The following GPR39 variants were observed in gnomAD, a reference collection of about 807,000 sequenced individuals.
GPR39 encodes the protein zinc sensing receptor.
Under a neutral mutation model 18.4 loss-of-function variants are expected in GPR39, and 23 were observed. The ratio of observed to expected loss-of-function variants is 1.25; its 90% CI spans 0.90 to 1.77. The LOEUF (loss-of-function observed/expected upper bound fraction) is 1.77, where lower values mean the gene tolerates loss of function less well. GPR39 is among the 40% of genes most tolerant of loss of function. The pLI, the probability that GPR39 is intolerant of heterozygous loss-of-function variation, is 0.00. For synonymous variants in GPR39, 280 were observed against 257.9 expected (o/e 1.09, Z -0.82); for missense variants, 647 against 602.4 (o/e 1.07, Z -0.78).
At chr2:132,565,128 TATTGATGCCATA>T (rs1235926845) in intron 1 of GPR39, among the ~76,000 whole-genome samples, 1 of 152,232 alleles carries the variant, frequency 6.6e-6, no homozygotes, top group African/African-American at 2.4e-5. Context: ...CTTTAATAAC[TATTGATGCCATA>T]ATTGACCCAC....
At chr2:132,503,347 G>A (rs1679081282) in intron 1 of GPR39, among the ~76,000 whole-genome samples, 1 of 152,128 alleles carries the variant, frequency 6.6e-6, no homozygotes, top group South Asian at 2.1e-4. Context: ...GCTCTTCTGG[G>A]TCTAGCCACC....
At chr2:132,556,000 G>A (rs1374903926) in intron 1 of GPR39, among the ~76,000 whole-genome samples, 3 of 151,984 alleles carry the variant, frequency 2.0e-5, no homozygotes, top group Non-Finnish European at 4.4e-5. Flanking sequence ...CAGATCTAGG[G>A]TGAAATGGGA....
At chr2:132,489,612 G>A (rs932518003) in intron 1 of GPR39, among the ~76,000 whole-genome samples, 5 of 151,982 alleles carry the variant, frequency 3.3e-5, no homozygotes, top group African/African-American at 1.2e-4. Context: ...GGGTATGCAT[G>A]GCTGGGGTGG....
At chr2:132,592,608 A>G (rs1312960765) in intron 1 of GPR39, among the ~76,000 whole-genome samples, 1 of 152,182 alleles carries the variant, frequency 6.6e-6, no homozygotes, top group Non-Finnish European at 1.5e-5. Flanking sequence ...AGCCTTTGAA[A>G]GGATCACTCT....
intron 1 of GPR39, among the ~76,000 whole-genome samples, chr2:132,627,488 T>G (rs1026391877): frequency 1.3e-5 from 2 of 152,224 alleles, no homozygotes; most frequent in Non-Finnish European, 2.9e-5. Context: ...AATGTCAATA[T>G]GCCGAGTAAT....
At chr2:132,468,477 G>A (rs1190785662) in intron 1 of GPR39, among the ~76,000 whole-genome samples, 1 of 152,184 alleles carries the variant, frequency 6.6e-6, no homozygotes, top group Non-Finnish European at 1.5e-5. Flanking sequence ...ATTGTGGACA[G>A]GCACACAGAG....
intron 1 of GPR39, among the ~76,000 whole-genome samples, chr2:132,484,240 C>T (rs2104791143): frequency 6.6e-6 from 1 of 152,328 alleles, no homozygotes; most frequent in East Asian, 1.9e-4. Context: ...AAGATGTTAA[C>T]ATATCCCTGG....
intron 1 of GPR39, among the ~76,000 whole-genome samples, chr2:132,611,991 CAT>C (rs907045637): frequency 6.6e-6 from 1 of 152,152 alleles, no homozygotes; most frequent in Non-Finnish European, 1.5e-5. Flanking sequence ...GCCAAGCAAA[CAT>C]GTGAGTTCAG....
intron 1 of GPR39, among the ~76,000 whole-genome samples, chr2:132,515,642 A>G (rs1285483148): frequency 1.3e-5 from 2 of 152,190 alleles, no homozygotes; most frequent in Admixed American, 1.3e-4. Context: ...AGTGGGTCAT[A>G]GAGACTAGAA....
intron 1 of GPR39, among the ~76,000 whole-genome samples, chr2:132,538,422 G>A (rs527556288): frequency 6.6e-6 from 1 of 152,326 alleles, no homozygotes; most frequent in Admixed American, 6.5e-5. Context: ...TCCTGTGGAA[G>A]CTTCGTCCCA....
At chr2:132,594,791 C>T (rs892902749) in intron 1 of GPR39, among the ~76,000 whole-genome samples, 2 of 151,882 alleles carry the variant, frequency 1.3e-5, no homozygotes, top group Non-Finnish European at 2.9e-5. Flanking sequence ...CCACCATTTA[C>T]TAACTCTCTT....
chr2:132,643,466 C>G (rs1364673116), intron 1 of GPR39, among the ~76,000 whole-genome samples: 3 of 152,170 alleles, frequency 2.0e-5, no homozygotes, highest in Non-Finnish European at 1.5e-5. Flanking sequence ...CCAGTGCATA[C>G]AGGAGGCTCA....
intron 1 of GPR39, among the ~76,000 whole-genome samples, chr2:132,496,778 C>T (rs542491641): frequency 7.9e-4 from 120 of 152,302 alleles, no homozygotes; most frequent in African/African-American, 2.7e-3. Flanking sequence ...CTCCTGGAAT[C>T]GCAGCAATAT....
At chr2:132,513,391 A>G (rs928837033) in intron 1 of GPR39, among the ~76,000 whole-genome samples, 3 of 151,716 alleles carry the variant, frequency 2.0e-5, no homozygotes, top group Non-Finnish European at 2.9e-5. Context: ...TGAACCTGGG[A>G]GGCGGAGTTT....
Position 132,583,970 on chromosome 2 carries a change from C to A in GPR39, c.857-61131C>A, listed in dbSNP as rs3115006. On this transcript the variant is annotated intron_variant, in intron 1 of 1. Transcript: ENST00000329321. ...ACAGGTAGCTTCTGCTGCTTTCTAA[C>A]GACTTCAGAGGAGCCCTTGAGAGAA... Among the ~76,000 whole-genome samples, 4 of 151,910 alleles carry A rather than the reference C, an allele frequency of 2.6e-5. 1 individual carries two copies. In the South Asian group the frequency reaches 8.3e-4, roughly 32 times the overall value.
chr2:132,560,109 C>T (rs1369505613), intron 1 of GPR39, among the ~76,000 whole-genome samples: 2 of 152,134 alleles, frequency 1.3e-5, no homozygotes, highest in Admixed American at 6.5e-5. Context: ...GCCAGCTTAG[C>T]TCTCTTTCCC....
intron 1 of GPR39, among the ~76,000 whole-genome samples, chr2:132,541,655 G>A (rs1012516970): frequency 1.3e-5 from 2 of 152,174 alleles, no homozygotes; most frequent in Non-Finnish European, 2.9e-5. Flanking sequence ...ATGATTTGTG[G>A]TGGGGTGCGG....
chr2:132,539,539 T>C (rs1269010921), intron 1 of GPR39, among the ~76,000 whole-genome samples: 1 of 152,174 alleles, frequency 6.6e-6, no homozygotes, highest in East Asian at 1.9e-4. Flanking sequence ...AGGGAGAATA[T>C]TTTGGGATAG....
intron 1 of GPR39, among the ~76,000 whole-genome samples, chr2:132,545,879 T>A (rs1452476891): frequency 6.6e-6 from 1 of 152,196 alleles, no homozygotes; most frequent in Non-Finnish European, 1.5e-5. Context: ...AATAAGAGTC[T>A]GATCACTGCT....
Sources: gnomAD v4.1 joint callset for allele counts (sites outside exome capture counted in the v4.1 genomes callset) on GRCh38, gnomAD v4.1.1 for gene constraint, MANE v1.5 for transcripts, NCBI Gene and HGNC (gene_info 2026-07-23, HGNC 2026-07-21) for gene names.